Variants in MSRA observed in about 807,000 individuals in gnomAD.
MSRA encodes the protein methionine sulfoxide reductase A, also known as mitochondrial peptide methionine sulfoxide reductase.
In MSRA, 54 loss-of-function variants were observed where a neutral mutation model predicts 31.3. The observed-to-expected ratio is 1.73, with a 90% confidence interval of 1.39 to 2.17. The LOEUF (loss-of-function observed/expected upper bound fraction) is 2.17. Among genes scored for constraint, MSRA ranks in the 30% most tolerant of loss-of-function variants. MSRA has a pLI of 0.00. For synonymous variants in MSRA, 169 were observed against 116.5 expected (o/e 1.45, Z -2.90); for missense variants, 507 against 300.9 (o/e 1.69, Z -5.07).
In MSRA at chr8:10,298,606, T is replaced by C. The variant is rs1406463689; in HGVS notation, c.332-2928T>C. On this transcript the variant is annotated intron_variant, in intron 3 of 5. Coordinates refer to ENST00000317173, the MANE Select transcript of MSRA (RefSeq NM_012331.5). ...TAATCTGATGGTAAATTTTATGTTA[T>C]GTTCATTTTATCAAAATAGGAAAAA... Among the ~76,000 whole-genome samples the C allele has an allele frequency of 2.1e-5, 3 of 143,462 alleles. No homozygotes were observed. In the East Asian group the frequency reaches 6.4e-4, roughly 31 times the overall value. The allele number at this position is 143,462 out of a possible 152,430, so 94.1% of individuals were successfully genotyped here. A position where few individuals can be genotyped will look rare whatever the true frequency, so the allele number is the denominator to read the frequency against.
At chr8:10,291,724 G>A (rs1385599481) in intron 3 of MSRA, among the ~76,000 whole-genome samples, 3 of 152,040 alleles carry the variant, frequency 2.0e-5, no homozygotes, top group Non-Finnish European at 4.4e-5. Flanking sequence ...CTTTGATTTG[G>A]TTTAACGGTT....
At chr8:10,375,979 A>G (rs893347151) in intron 5 of MSRA, among the ~76,000 whole-genome samples, 5 of 152,092 alleles carry the variant, frequency 3.3e-5, no homozygotes, top group Non-Finnish European at 7.4e-5. Context: ...TACTAACTTG[A>G]GTTCCTATTA....
chr8:10,105,270 A>C (rs1457091612), intron 1 of MSRA, among the ~76,000 whole-genome samples: 1 of 151,968 alleles, frequency 6.6e-6, no homozygotes, highest in African/African-American at 2.4e-5. Context: ...GAATGTTTTC[A>C]TTTTTCATTT....
intron 5 of MSRA, among the ~76,000 whole-genome samples, chr8:10,404,430 C>A (rs1316829912): frequency 1.3e-5 from 2 of 152,204 alleles, no homozygotes; most frequent in Non-Finnish European, 2.9e-5. Flanking sequence ...TGGGGAGGGG[C>A]AGGCGGGTGT....
intron 5 of MSRA, among the ~76,000 whole-genome samples, chr8:10,323,862 C>T (rs1390871725): frequency 6.6e-6 from 1 of 151,984 alleles, no homozygotes; most frequent in Non-Finnish European, 1.5e-5. Flanking sequence ...AAGATTGGGA[C>T]TCCTGTGCCT....
intron 5 of MSRA, among the ~76,000 whole-genome samples, chr8:10,347,449 A>T (rs1478938812): frequency 6.6e-6 from 1 of 152,132 alleles, no homozygotes; most frequent in African/African-American, 2.4e-5. Flanking sequence ...CACCATGCTC[A>T]CAAACACTCT....
At chr8:10,361,448 C>G (rs3812495) in intron 5 of MSRA, among the ~76,000 whole-genome samples, 23,147 of 151,992 alleles carry the variant, frequency 0.15, 2,075 homozygotes, top group African/African-American at 0.25. Context: ...TGGTTGTGGC[C>G]CTGGGCAAAA....
chr8:10,349,135 A>G (rs910081642), intron 5 of MSRA, among the ~76,000 whole-genome samples: 1 of 152,282 alleles, frequency 6.6e-6, no homozygotes, highest in Non-Finnish European at 1.5e-5. Context: ...CATGATAATC[A>G]TAAATTAAAA....
chr8:10,098,341 TTAAATTCC>T (rs1323368745), intron 1 of MSRA, among the ~76,000 whole-genome samples: 1 of 152,194 alleles, frequency 6.6e-6, no homozygotes, highest in Admixed American at 6.5e-5. Context: ...ATACGTATTA[TTAAATTCC>T]ATTTTGATGT....
At chr8:10,243,339 C>T (rs1040027433) in intron 2 of MSRA, among the ~76,000 whole-genome samples, 1 of 152,190 alleles carries the variant, frequency 6.6e-6, no homozygotes, top group Admixed American at 6.5e-5. Context: ...GAAGCTGCTC[C>T]ACTCACCTAC....
rs202000887 is a variant in MSRA at position 10,219,805 on chromosome 8, C to CAAAAAAAAAAAAAAAAAAAAAA, written c.211+11904_211+11905insAAAAAAAAAAAAAAAAAAAAAA. 2.6e-4 allele frequency among the ~76,000 whole-genome samples: 12 copies of CAAAAAAAAAAAAAAAAAAAAAA among 46,072 alleles called. 1 individual carries two copies. The highest frequency in any genetic ancestry group is 1.8e-3 in the African/African-American group (11 of 5,998). 30.2% of individuals were successfully genotyped at this position (46,072 alleles called of 152,430 possible). A position where few individuals can be genotyped will look rare whatever the true frequency, so the allele number is the denominator to read the frequency against. On this transcript the variant is annotated intron_variant, in intron 2 of 5. Coordinates refer to ENST00000317173, the MANE Select transcript of MSRA (RefSeq NM_012331.5). ...TGGACGACAGATCGAGACTCTGTCT[C>CAAAAAAAAAAAAAAAAAAAAAA]CAAAAAAAAAAAAAAAAAAAAAAGA... is the stretch of plus-strand genomic sequence containing the variant.
chr8:10,274,702 C>T (rs74481786), intron 3 of MSRA, among the ~76,000 whole-genome samples: 11,836 of 152,094 alleles, frequency 0.078, 709 homozygotes, highest in East Asian at 0.33. Flanking sequence ...TCTACTCATC[C>T]GCCCATTTAT....
intron 1 of MSRA, 123 bp downstream of exon 1, chr8:10,054,781 G>C (rs893304247): frequency 8.6e-7 from 1 of 1,168,176 alleles, no homozygotes; most frequent in African/African-American, 1.6e-5. Flanking sequence ...TCGCGGGGTG[G>C]GGGTCTGCGC....
At chr8:10,340,765 A>C (rs1803377210) in intron 5 of MSRA, among the ~76,000 whole-genome samples, 1 of 152,252 alleles carries the variant, frequency 6.6e-6, no homozygotes, top group Admixed American at 6.5e-5. Context: ...CTCCGTATTC[A>C]AGGGAGGGGA....
intron 3 of MSRA, among the ~76,000 whole-genome samples, chr8:10,284,818 C>T (rs1376872526): frequency 6.6e-6 from 1 of 152,084 alleles, no homozygotes; most frequent in Non-Finnish European, 1.5e-5. Context: ...CTCTTATTGG[C>T]TTGATGGGAG....
At chr8:10,399,557 G>A (rs919077419) in intron 5 of MSRA, among the ~76,000 whole-genome samples, 1 of 152,128 alleles carries the variant, frequency 6.6e-6, no homozygotes, top group South Asian at 2.1e-4. Context: ...ACCCCCTGAG[G>A]CCTCACCAGA....
At chr8:10,090,830 T>G (rs1200363902) in intron 1 of MSRA, among the ~76,000 whole-genome samples, 1 of 152,236 alleles carries the variant, frequency 6.6e-6, no homozygotes, top group Non-Finnish European at 1.5e-5. Flanking sequence ...CATACTTTTT[T>G]CAAAGGCCCA....
rs550953689 is a variant in MSRA at position 10,222,709 on chromosome 8, A to G, written c.211+14808A>G. Among the ~76,000 whole-genome samples the G allele has an allele frequency of 2.0e-5, 3 of 152,360 alleles. No individual in the cohort carries two copies. In the South Asian group the frequency reaches 6.2e-4, roughly 32 times the overall value. ...AACAGTATTGATTAACCTGGAGAAC[A>G]TTATGCTAAATGAAATAAGCCAGGC... On this transcript the variant is annotated intron_variant, in intron 2 of 5. Transcript: ENST00000317173.
intron 1 of MSRA, among the ~76,000 whole-genome samples, chr8:10,115,384 G>A (rs1444071369): frequency 6.6e-6 from 1 of 152,212 alleles, no homozygotes; most frequent in South Asian, 2.1e-4. Context: ...GCCAGGAACA[G>A]TAAGAATGGC....
Sources: allele counts gnomAD v4.1 joint callset (sites outside exome capture counted in the v4.1 genomes callset), GRCh38; gene constraint gnomAD v4.1.1; transcripts MANE v1.5; gene names NCBI Gene and HGNC (gene_info 2026-07-23, HGNC 2026-07-21).